Variants in ADARB2 observed in about 807,000 individuals in gnomAD.
ADARB2 encodes adenosine deaminase RNA specific B2 (inactive).
ADARB2 carries 25 observed loss-of-function variants against 62.2 expected under a neutral mutation model. The ratio of observed to expected loss-of-function variants is 0.40; its 90% CI spans 0.29 to 0.56. The LOEUF (loss-of-function observed/expected upper bound fraction) is 0.56, where lower values mean the gene tolerates loss of function less well. Among genes scored for constraint, ADARB2 ranks in the 20% least tolerant of loss-of-function variants. The pLI, the probability that ADARB2 is intolerant of heterozygous loss-of-function variation, is 0.43. For synonymous variants in ADARB2, 572 were observed against 500.8 expected (o/e 1.14, Z -1.90); for missense variants, 1,071 against 1,077.4 (o/e 0.99, Z 0.08).
intron 2 of ADARB2, among the ~76,000 whole-genome samples, chr10:1,375,748 C>A (rs1004213301): frequency 2.6e-5 from 4 of 152,196 alleles, no homozygotes; most frequent in Admixed American, 6.5e-5. Context: ...CAGATTCACA[C>A]GCCACACACA....
chr10:1,210,013 G>A (rs1456424358), intron 7 of ADARB2, among the ~76,000 whole-genome samples: 1 of 151,504 alleles, frequency 6.6e-6, no homozygotes, highest in East Asian at 1.9e-4. Context: ...ATTATTCATG[G>A]AATTCCGTAC....
At chr10:1,543,555 G>T (rs1564324197) in intron 1 of ADARB2, among the ~76,000 whole-genome samples, 1 of 152,232 alleles carries the variant, frequency 6.6e-6, no homozygotes, top group Non-Finnish European at 1.5e-5. Context: ...ATTTATTCGG[G>T]CTGGGAGCTA....
chr10:1,486,479 T>C (rs1831543881), intron 1 of ADARB2, among the ~76,000 whole-genome samples: 1 of 151,982 alleles, frequency 6.6e-6, no homozygotes, highest in African/African-American at 2.4e-5. Flanking sequence ...AACACCAAGG[T>C]CTTTAGGGAC....
At chr10:1,714,170 G>A (rs890964653) in intron 1 of ADARB2, among the ~76,000 whole-genome samples, 2 of 152,228 alleles carry the variant, frequency 1.3e-5, no homozygotes, top group African/African-American at 4.8e-5. Flanking sequence ...GCCAGGATTT[G>A]AAATATTACA....
At chr10:1,472,583 G>A (rs878978266) in intron 1 of ADARB2, among the ~76,000 whole-genome samples, 1 of 152,240 alleles carries the variant, frequency 6.6e-6, no homozygotes, top group Admixed American at 6.5e-5. Context: ...GAAATGTCAT[G>A]CCTTCAAGAA....
At chr10:1,416,367 G>A (rs994625312) in intron 1 of ADARB2, among the ~76,000 whole-genome samples, 4 of 152,228 alleles carry the variant, frequency 2.6e-5, no homozygotes, top group Non-Finnish European at 1.5e-5. Context: ...GTGCCTGTGG[G>A]TGTTTGTTAA....
chr10:1,736,222 G>A (rs1835298833), intron 1 of ADARB2, among the ~76,000 whole-genome samples: 1 of 152,218 alleles, frequency 6.6e-6, no homozygotes, highest in Non-Finnish European at 1.5e-5. Flanking sequence ...TTCCTGGCAT[G>A]CACACAGGCT....
chr10:1,706,602 A>G (rs1174715889), intron 1 of ADARB2, among the ~76,000 whole-genome samples: 1 of 152,224 alleles, frequency 6.6e-6, no homozygotes. Flanking sequence ...TTCAAAGGAA[A>G]ACAGTCCTAC....
intron 1 of ADARB2, among the ~76,000 whole-genome samples, chr10:1,649,641 A>G (rs7909629): frequency 0.47 from 71,073 of 151,708 alleles, 16,809 homozygotes; most frequent in South Asian, 0.53. Context: ...GGGCCAGATT[A>G]CCAGATGTGC....
At chr10:1,662,664 C>T (rs193192399) in intron 1 of ADARB2, among the ~76,000 whole-genome samples, 37 of 152,334 alleles carry the variant, frequency 2.4e-4, no homozygotes, top group Admixed American at 3.3e-4. Flanking sequence ...CAGTGAACTA[C>T]GGCCCCTCGA....
chr10:1,197,487 C>T lies in ADARB2; in HGVS notation c.1864+2479G>A, dbSNP rs535365150. Among the ~76,000 whole-genome samples the T allele has an allele frequency of 2.7e-4, 41 of 152,344 alleles. No individual in the cohort carries two copies. The Middle Eastern group carries it at 0.014, about 51-fold the overall frequency. ...ATGCCTGAAAGGGCTTCAGACGCCCCAGCTGGCCCTTTTCACACTCCAGGA... is the reference window on the plus strand; with the variant it reads ...ATGCCTGAAAGGGCTTCAGACGCCCTAGCTGGCCCTTTTCACACTCCAGGA... On this transcript the variant is annotated intron_variant, in intron 8 of 9. Coordinates refer to ENST00000381312, the MANE Select transcript of ADARB2 (RefSeq NM_018702.4).
intron 1 of ADARB2, among the ~76,000 whole-genome samples, chr10:1,515,635 G>C (rs892303801): frequency 1.3e-5 from 2 of 152,232 alleles, no homozygotes; most frequent in Admixed American, 1.3e-4. Flanking sequence ...CCCACAGTGA[G>C]AGGGTGGACC....
At chr10:1,686,602 C>T (rs759381415) in intron 1 of ADARB2, among the ~76,000 whole-genome samples, 5 of 152,116 alleles carry the variant, frequency 3.3e-5, no homozygotes, top group South Asian at 2.1e-4. Context: ...ACTGTGAACC[C>T]GCTGGGCTTC....
chr10:1,385,826 A>G (rs1047910641), intron 1 of ADARB2, among the ~76,000 whole-genome samples: 1 of 152,186 alleles, frequency 6.6e-6, no homozygotes, highest in Non-Finnish European at 1.5e-5. Flanking sequence ...AGAAGACTGT[A>G]CCAATCAGCA....
At chr10:1,343,218 C>T (rs945681301) in intron 3 of ADARB2, among the ~76,000 whole-genome samples, 1 of 152,136 alleles carries the variant, frequency 6.6e-6, no homozygotes, top group South Asian at 2.1e-4. Flanking sequence ...TGCACAGACA[C>T]CTCTCAAAAG....
intron 1 of ADARB2, among the ~76,000 whole-genome samples, chr10:1,687,554 TTTGA>T (rs1255858644): frequency 1.3e-5 from 2 of 152,312 alleles, no homozygotes; most frequent in East Asian, 1.9e-4. Context: ...CATTATTCTC[TTTGA>T]TTGATTTTAT....
At chr10:1,240,869 A>G (rs1404030694) in intron 5 of ADARB2, among the ~76,000 whole-genome samples, 1 of 152,142 alleles carries the variant, frequency 6.6e-6, no homozygotes, top group Non-Finnish European at 1.5e-5. Flanking sequence ...CTACATTCTG[A>G]GATATTTCTG....
intron 1 of ADARB2, among the ~76,000 whole-genome samples, chr10:1,409,446 G>A (rs1321700639): frequency 6.6e-6 from 1 of 152,202 alleles, no homozygotes; most frequent in Non-Finnish European, 1.5e-5. Context: ...TGGTGCTGAG[G>A]CCTGGTCGTG....
chr10:1,668,110 G>A (rs749184528), intron 1 of ADARB2, among the ~76,000 whole-genome samples: 2 of 152,164 alleles, frequency 1.3e-5, no homozygotes, highest in African/African-American at 2.4e-5. Flanking sequence ...GATATTAACC[G>A]AGGGCCTCTG....
Sources: allele counts gnomAD v4.1 joint callset (sites outside exome capture counted in the v4.1 genomes callset), GRCh38; gene constraint gnomAD v4.1.1; transcripts MANE v1.5; gene names NCBI Gene and HGNC (gene_info 2026-07-23, HGNC 2026-07-21).